Variants in RAB27B observed in about 807,000 individuals in gnomAD.
The protein encoded by RAB27B is ras-related protein Rab-27B.
A neutral mutation model predicts 24.6 loss-of-function variants in RAB27B; 15 were observed. That is an observed-to-expected ratio of 0.61 (90% CI 0.41 to 0.94). The LOEUF is 0.94. Among genes scored for constraint, RAB27B ranks in the 40% least tolerant of loss-of-function variants. The pLI is 0.00. For synonymous variants in RAB27B, 105 were observed against 92.5 expected, an observed-to-expected ratio of 1.14 and a Z score of -0.78; for missense variants, 261 against 266.8, an observed-to-expected ratio of 0.98 and a Z score of 0.15.
At chr18:54,856,595 G>A (rs1361714894) in intron 1 of RAB27B, among the ~76,000 whole-genome samples, 2 of 152,324 alleles carry the variant, frequency 1.3e-5, no homozygotes, top group South Asian at 2.1e-4. Flanking sequence ...TTTATCCAAA[G>A]CAGGGCCTTT....
At chr18:54,781,722 C>T (rs1212765895) in intron 2 of RAB27B, among the ~76,000 whole-genome samples, 1 of 152,182 alleles carries the variant, frequency 6.6e-6, no homozygotes, top group Non-Finnish European at 1.5e-5. Flanking sequence ...GCATATAACA[C>T]ATGGTAGCTG....
rs561073822 is a variant in RAB27B at position 54,818,664 on chromosome 18, A to G, written c.-19-58903A>G. 7.2e-5 allele frequency among the ~76,000 whole-genome samples: 11 copies of G among 152,158 alleles called. No individual in the cohort carries two copies. In the South Asian group the frequency reaches 1.9e-3, roughly 26 times the overall value. On this transcript the variant is annotated intron_variant, in intron 2 of 4. Coordinates refer to the RAB27B transcript ENST00000586570. ...TCCTGCCGTGAGAGCCTGACCTCCC[A>G]CTTTTACAGTGGGATCCCACTAAGA...
At chr18:54,836,188 G>A (rs776122023) in intron 1 of RAB27B, among the ~76,000 whole-genome samples, 25 of 151,816 alleles carry the variant, frequency 1.6e-4, no homozygotes, top group Non-Finnish European at 2.5e-4. Context: ...TCTACATTGC[G>A]GTTTTCTTTG....
chr18:54,871,616 T>C (rs1385503649), intron 1 of RAB27B, among the ~76,000 whole-genome samples: 1 of 152,134 alleles, frequency 6.6e-6, no homozygotes, highest in Non-Finnish European at 1.5e-5. Flanking sequence ...ACTAAATTGC[T>C]GAGGCGGGAG....
intron 1 of RAB27B, among the ~76,000 whole-genome samples, chr18:54,845,386 G>A (rs542944700): frequency 3.1e-4 from 38 of 121,930 alleles, no homozygotes; most frequent in African/African-American, 1.1e-3. Flanking sequence ...CAGCCTGGGC[G>A]ATAAGTGAGA....
At chr18:54,810,697 G>A (rs978186470) in intron 2 of RAB27B, among the ~76,000 whole-genome samples, 2 of 151,982 alleles carry the variant, frequency 1.3e-5, no homozygotes, top group African/African-American at 4.8e-5. Flanking sequence ...GGGTGTGGTG[G>A]CGGGCACCTG....
At chr18:54,770,790 A>C (rs1382632667) in intron 2 of RAB27B, among the ~76,000 whole-genome samples, 1 of 151,964 alleles carries the variant, frequency 6.6e-6, no homozygotes, top group Non-Finnish European at 1.5e-5. Flanking sequence ...AGTACTTTCT[A>C]GTATTAGATA....
intron 2 of RAB27B, among the ~76,000 whole-genome samples, chr18:54,763,391 G>T (rs548523855): frequency 6.6e-6 from 1 of 152,156 alleles, no homozygotes; most frequent in Admixed American, 6.5e-5. Context: ...ACCATAAATT[G>T]CTATAGAGCC....
Position 54,864,322 on chromosome 18 carries a change from G to A in RAB27B, c.-19-13245G>A, listed in dbSNP as rs939804509. 3.9e-5 allele frequency among the ~76,000 whole-genome samples: 6 copies of A among 152,228 alleles called. No homozygotes were observed. The East Asian group carries it at 7.7e-4, about 20-fold the overall frequency. On this transcript the variant is annotated intron_variant, in intron 1 of 5. Transcript: ENST00000262094. ...GTCTTTGAGAAGATATCTCTTCAAAGCCTTTGCTCATTTTTAAAGTTTGGT... is the reference window on the plus strand; with the variant it reads ...GTCTTTGAGAAGATATCTCTTCAAAACCTTTGCTCATTTTTAAAGTTTGGT...
intron 2 of RAB27B, among the ~76,000 whole-genome samples, chr18:54,796,872 A>G (rs1434544100): frequency 1.3e-5 from 2 of 152,184 alleles, no homozygotes; most frequent in East Asian, 3.9e-4. Flanking sequence ...TGAAAATAAG[A>G]CAAAATAGTG....
chr18:54,871,711 G>A (rs1005454862), intron 1 of RAB27B, among the ~76,000 whole-genome samples: 3 of 151,994 alleles, frequency 2.0e-5, no homozygotes, highest in East Asian at 1.9e-4. Flanking sequence ...TTGGCCGGGC[G>A]TGGTGGCGGG....
intron 1 of RAB27B, among the ~76,000 whole-genome samples, chr18:54,854,486 T>A (rs1433209462): frequency 6.6e-6 from 1 of 152,238 alleles, no homozygotes; most frequent in African/African-American, 2.4e-5. Context: ...TGCAAATCAA[T>A]GAAAGGCTTA....
At chr18:54,787,681 A>G (rs1164021082) in intron 2 of RAB27B, among the ~76,000 whole-genome samples, 1 of 152,148 alleles carries the variant, frequency 6.6e-6, no homozygotes, top group Non-Finnish European at 1.5e-5. Flanking sequence ...ATGCAGAGAA[A>G]TCTTTAAAAG....
At chr18:54,854,840 A>T (rs1015659092) in intron 1 of RAB27B, among the ~76,000 whole-genome samples, 1 of 152,210 alleles carries the variant, frequency 6.6e-6, no homozygotes, top group Non-Finnish European at 1.5e-5. Context: ...AGCCATATTT[A>T]TCCATTTAAA....
chr18:54,879,636 G>T lies in RAB27B; in HGVS notation c.239+182G>T. Reference sequence around the variant, plus strand: ...AATTAATTAATCACAGTAGCACTGTGCAGTTGGTATGAATTTCAAAAATCA... The same window carrying T: ...AATTAATTAATCACAGTAGCACTGTTCAGTTGGTATGAATTTCAAAAATCA... On this transcript the variant is annotated intron_variant, in intron 3 of 5. Transcript: ENST00000262094. The T allele has an allele frequency of 3.7e-6, 2 of 534,496 alleles. 1 individual carries two copies. Among genetic ancestry groups the T allele is most frequent in the South Asian group, 5.9e-5 (2 of 33,904 alleles). 33.1% of individuals were successfully genotyped at this position (534,496 alleles called of 1,614,324 possible).
At chr18:54,837,081 C>T (rs1448577550) in intron 1 of RAB27B, among the ~76,000 whole-genome samples, 1 of 149,054 alleles carries the variant, frequency 6.7e-6, no homozygotes, top group Non-Finnish European at 1.5e-5. Context: ...GATATAGTTC[C>T]TACTCTTAAA....
chr18:54,877,323 G>C (rs543288063), intron 1 of RAB27B, among the ~76,000 whole-genome samples: 1 of 152,202 alleles, frequency 6.6e-6, no homozygotes, highest in East Asian at 1.9e-4. Context: ...CTAATGCACT[G>C]TGGCAATTGA....
At chr18:54,819,930 T>A (rs183283897) in intron 2 of RAB27B, among the ~76,000 whole-genome samples, 1 of 152,128 alleles carries the variant, frequency 6.6e-6, no homozygotes, top group Non-Finnish European at 1.5e-5. Context: ...TTCATCCATG[T>A]CCCTACAAAG....
At position 54,768,660 on chromosome 18, in the gene RAB27B, G is replaced by C. The variant is rs555102450; in HGVS notation, c.-20+50519G>C. On this transcript the variant is annotated intron_variant, in intron 2 of 4. Transcript: ENST00000586570. ...ACTGGGTAATTTATCAAGGAAAGAGGTTTAATTGACTCACAGTTCTGCATT... is the reference window on the plus strand; with the variant it reads ...ACTGGGTAATTTATCAAGGAAAGAGCTTTAATTGACTCACAGTTCTGCATT... Among the ~76,000 whole-genome samples, 160 of 152,240 alleles carry C rather than the reference G, an allele frequency of 1.1e-3. 4 individuals carry two copies. In the South Asian group the frequency reaches 0.029, roughly 27 times the overall value.
Sources: allele counts gnomAD v4.1 joint callset (sites outside exome capture counted in the v4.1 genomes callset), GRCh38; gene constraint gnomAD v4.1.1; transcripts MANE v1.5; gene names NCBI Gene and HGNC (gene_info 2026-07-23, HGNC 2026-07-21).